PLEKHA2: variants seen among roughly 807,000 people sequenced by gnomAD.
PLEKHA2 encodes pleckstrin homology domain-containing family A member 2.
PLEKHA2 carries 28 observed loss-of-function variants against 53.2 expected under a neutral mutation model. That is an observed-to-expected ratio of 0.53 (90% confidence interval 0.39 to 0.72). The LOEUF is 0.72. Ranked by LOEUF, PLEKHA2 falls within the 30% of genes least tolerant of loss-of-function variation. The pLI, the probability that PLEKHA2 is intolerant of heterozygous loss-of-function variation, is 0.00. For missense variants in PLEKHA2, 426 were observed against 537.9 expected (o/e 0.79, Z 2.06); for synonymous variants, 193 against 196.4 (o/e 0.98, Z 0.14).
chr8:38,952,621 AT>A lies in PLEKHA2; in HGVS notation c.634-8del. Reference sequence around the variant, plus strand: ...ACCTCTCGCTAATGGTCTGCCTTTTATTTTTTTATTACAGCGGAAGAGCTGG... The same window carrying A: ...ACCTCTCGCTAATGGTCTGCCTTTTATTTTTTATTACAGCGGAAGAGCTGG... On this transcript the variant is annotated splice_polypyrimidine_tract_variant and intron_variant, in intron 7 of 11. Coordinates refer to ENST00000617275, the MANE Select transcript of PLEKHA2 (RefSeq NM_021623.2). The A allele has an allele frequency of 1.9e-6, 3 of 1,604,164 alleles. No individual in the cohort carries two copies.
At chr8:38,926,381 C>CTTT (rs545129514) in intron 2 of PLEKHA2, among the ~76,000 whole-genome samples, 1 of 137,260 alleles carries the variant, frequency 7.3e-6, no homozygotes. Context: ...TTAAAAAGTA[C>CTTT]TTTTTTTTTT....
intron 10 of PLEKHA2, among the ~76,000 whole-genome samples, chr8:38,965,790 A>G (rs894198890): frequency 5.3e-5 from 8 of 152,158 alleles, no homozygotes; most frequent in African/African-American, 1.7e-4. Flanking sequence ...TTTGTCGCAT[A>G]TCATATAATA....
Position 38,950,913 on chromosome 8 carries a change from G to A in PLEKHA2, c.409G>A (p.Ala137Thr), listed in dbSNP as rs765720146. ...EVLKSLAAPP[A>T]LEKKPQVAYK... The stretch of plus-strand genomic sequence containing the variant: ...TCTCAAGAGCTTAGCAGCTCCTCCA[G>A]CCCTGGAGAAGAAGCCACAGGTGGC... Residue 137 changes from alanine to threonine, a missense_variant, in exon 6 of 12, where the codon GCC becomes ACC. Coordinates refer to ENST00000617275, the MANE Select transcript of PLEKHA2 (RefSeq NM_021623.2). 1.9e-6 allele frequency: 3 copies of A among 1,614,000 alleles called. No individual in the cohort carries two copies. The highest frequency in any genetic ancestry group is 1.7e-6 in the Non-Finnish European group (2 of 1,179,894).
At chr8:38,961,739 A>C (rs762267756) in intron 10 of PLEKHA2, among the ~76,000 whole-genome samples, 1 of 152,156 alleles carries the variant, frequency 6.6e-6, no homozygotes, top group Non-Finnish European at 1.5e-5. Flanking sequence ...GCTAGACCAA[A>C]GAGCAGGGCA....
intron 1 of PLEKHA2, among the ~76,000 whole-genome samples, chr8:38,908,749 T>A (rs1302018051): frequency 6.6e-6 from 1 of 152,236 alleles, no homozygotes; most frequent in Non-Finnish European, 1.5e-5. Flanking sequence ...AAAAAACTTA[T>A]GATGTGGTGA....
intron 1 of PLEKHA2, among the ~76,000 whole-genome samples, chr8:38,910,972 G>C (rs554095459): frequency 6.6e-6 from 1 of 152,284 alleles, no homozygotes; most frequent in Admixed American, 6.5e-5. Flanking sequence ...TTGTTGGCTG[G>C]AGTGATTGTT....
At position 38,917,768 on chromosome 8, in the gene PLEKHA2, G is replaced by T; in HGVS notation, c.-23-139G>T. The T allele has an allele frequency of 1.1e-5, 10 of 939,276 alleles. No homozygotes were observed. The South Asian group carries it at 1.7e-4, about 16-fold the overall frequency. The allele number at this position is 939,276 out of a possible 1,614,324, so 58.2% of individuals were successfully genotyped here. A position where few individuals can be genotyped will look rare whatever the true frequency, so the allele number is the denominator to read the frequency against. On this transcript the variant is annotated intron_variant, in intron 1 of 11. Coordinates refer to ENST00000617275, the MANE Select transcript of PLEKHA2 (RefSeq NM_021623.2). ...CTTAACATTGGGAGAGGTTTCCAGG[G>T]TCTGGGATGGAACATTTGGTGCCCC...
At chr8:38,929,101 C>T (rs970989894) in intron 2 of PLEKHA2, among the ~76,000 whole-genome samples, 2 of 152,222 alleles carry the variant, frequency 1.3e-5, no homozygotes, top group African/African-American at 4.8e-5. Context: ...GTCTACATGG[C>T]CGTGGCTTTT....
intron 10 of PLEKHA2, among the ~76,000 whole-genome samples, chr8:38,964,812 G>A (rs935359957): frequency 2.4e-5 from 3 of 123,074 alleles, no homozygotes; most frequent in East Asian, 5.5e-4. Flanking sequence ...ATTTTGTGAG[G>A]TTTTAAAGTG....
chr8:38,906,018 T>C (rs1833867956), intron 1 of PLEKHA2, among the ~76,000 whole-genome samples: 1 of 152,224 alleles, frequency 6.6e-6, no homozygotes, highest in Non-Finnish European at 1.5e-5. Context: ...TTCTCTTAAC[T>C]GCCCATGTAT....
chr8:38,961,315 T>A (rs1399869617), intron 10 of PLEKHA2, among the ~76,000 whole-genome samples: 1 of 152,090 alleles, frequency 6.6e-6, no homozygotes, highest in East Asian at 1.9e-4. Context: ...AGGCAGTGGA[T>A]CATCTGAGGT....
chr8:38,933,790 A>AAAAAAAAAAAAAAAAAAAGAAAAAAAAG, intron 2 of PLEKHA2, among the ~76,000 whole-genome samples: 1 of 90,662 alleles, frequency 1.1e-5, no homozygotes, highest in Non-Finnish European at 2.4e-5. Context: ...AAAAAAAAAA[A>AAAAAAAAAAAAAAAAAAAGAAAAAAAAG]AAAAGAAAAG....
chr8:38,925,774 C>T (rs991383490), intron 2 of PLEKHA2, among the ~76,000 whole-genome samples: 3 of 152,128 alleles, frequency 2.0e-5, no homozygotes, highest in Non-Finnish European at 4.4e-5. Context: ...TATAATAACA[C>T]ATAATGTATA....
intron 8 of PLEKHA2, among the ~76,000 whole-genome samples, chr8:38,953,029 C>T (rs907125605): frequency 1.3e-5 from 2 of 152,138 alleles, no homozygotes. Flanking sequence ...TTTGTAGAGA[C>T]AGGATTTCAC....
chr8:38,940,122 G>T (rs1297977046), intron 3 of PLEKHA2, among the ~76,000 whole-genome samples: 2 of 150,492 alleles, frequency 1.3e-5, no homozygotes, highest in Non-Finnish European at 3.0e-5. Flanking sequence ...AAAGGGCCAG[G>T]CGTGGTGGCT....
At chr8:38,926,181 T>C (rs1193978135) in intron 2 of PLEKHA2, among the ~76,000 whole-genome samples, 2 of 152,208 alleles carry the variant, frequency 1.3e-5, no homozygotes, top group Non-Finnish European at 2.9e-5. Flanking sequence ...TTTTGTGTAA[T>C]TGATATCTTA....
Position 38,968,688 on chromosome 8 carries a change from G to C in PLEKHA2, c.915+19G>C, listed in dbSNP as rs775129195. ...CCCCAGAGTAAGTCACTTCCTTTCT[G>C]TTGCACAGTGTCAACTCAGAGATGA... On this transcript the variant is annotated intron_variant, in intron 11 of 11. Coordinates refer to ENST00000617275, the MANE Select transcript of PLEKHA2 (RefSeq NM_021623.2). 1.2e-6 allele frequency: 2 copies of C among 1,612,786 alleles called. No homozygotes were observed. The highest frequency in any genetic ancestry group is 1.3e-5 in the African/African-American group (1 of 74,870).
At chr8:38,902,145 C>T (rs193290503) in intron 1 of PLEKHA2, 1 of 147,986 alleles carries the variant, frequency 6.8e-6, no homozygotes, top group Admixed American at 7.0e-5. Context: ...TCACCTTACA[C>T]GCTTCCCTTT....
intron 1 of PLEKHA2, chr8:38,901,869 G>A (rs1833791842): frequency 6.6e-6 from 1 of 152,262 alleles, no homozygotes; most frequent in Admixed American, 6.5e-5. Context: ...TGCGGGAGGG[G>A]AGGAGAGCAG....
Sources: allele counts gnomAD v4.1 joint callset (sites outside exome capture counted in the v4.1 genomes callset), GRCh38; gene constraint gnomAD v4.1.1; transcripts MANE v1.5; gene names NCBI Gene and HGNC (gene_info 2026-07-23, HGNC 2026-07-21).